CCDC178: variants seen among roughly 807,000 people sequenced by gnomAD.
The protein encoded by CCDC178 is coiled-coil domain-containing protein 178.
Under a neutral mutation model 117.4 loss-of-function variants are expected in CCDC178, and 126 were observed. The ratio of observed to expected loss-of-function variants is 1.07; its 90% confidence interval spans 0.93 to 1.24. The LOEUF is 1.24. Ranked by LOEUF, CCDC178 falls within the 50% of genes most tolerant of loss-of-function variation. The pLI is 0.00. For synonymous variants in CCDC178, 283 were observed against 313.4 expected (o/e 0.90, Z 1.02); for missense variants, 1,030 against 986.9 (o/e 1.04, Z -0.59).
chr18:33,073,918 T>C (rs2057158399), intron 21 of CCDC178, among the ~76,000 whole-genome samples: 1 of 152,064 alleles, frequency 6.6e-6, no homozygotes. Flanking sequence ...AATCTAGTGA[T>C]TAAATGGTTA....
At chr18:33,122,115 A>AG (rs1309702919) in intron 20 of CCDC178, among the ~76,000 whole-genome samples, 11 of 152,180 alleles carry the variant, frequency 7.2e-5, no homozygotes, top group African/African-American at 2.7e-4. Context: ...AATCCCTGTT[A>AG]TTAAGTGAAC....
rs975746530 is a variant in CCDC178, at chr18:32,995,648, C to T, written c.2389-20967G>A. Among the ~76,000 whole-genome samples the T allele has an allele frequency of 3.3e-5, 5 of 152,014 alleles. No individual in the cohort carries two copies. The East Asian group carries it at 9.6e-4, about 29-fold the overall frequency. On this transcript the variant is annotated intron_variant, in intron 21 of 22. Coordinates refer to ENST00000383096, the MANE Select transcript of CCDC178 (RefSeq NM_001105528.4). ...CCATATTCCTTCTAAAGAATATAAA[C>T]TGCTATTTCACTTCAAAGAAAACCA...
intron 12 of CCDC178, 66 bp from the exon 13 acceptor site, chr18:33,267,363 ATAAAT>A (rs1050082124): frequency 1.1e-5 from 10 of 892,232 alleles, no homozygotes; most frequent in African/African-American, 3.4e-5. Context: ...AAGGTAAAAA[ATAAAT>A]TAATCATGAT....
At position 33,387,377 on chromosome 18, in the gene CCDC178, C is replaced by CA. The variant is rs1004700154; in HGVS notation, c.208+2162dup. ...AACTATTTTAAAATTCATACAGAAC[C>CA]AAAAAAAAGCTCACATAGCCAAGAC... On this transcript the variant is annotated intron_variant, in intron 5 of 22. Transcript: ENST00000383096. Among the ~76,000 whole-genome samples, 11 of 151,574 alleles carry CA rather than the reference C, an allele frequency of 7.3e-5. No individual in the cohort carries two copies. The South Asian group carries it at 1.0e-3, about 14-fold the overall frequency.
intron 21 of CCDC178, among the ~76,000 whole-genome samples, chr18:33,063,643 C>T (rs1395651689): frequency 6.6e-6 from 1 of 152,114 alleles, no homozygotes; most frequent in African/African-American, 2.4e-5. Flanking sequence ...GCCCAAGGGA[C>T]CTCCCACCTT....
intron 22 of CCDC178, among the ~76,000 whole-genome samples, chr18:32,944,958 T>C (rs1449659248): frequency 6.6e-6 from 1 of 152,220 alleles, no homozygotes; most frequent in Non-Finnish European, 1.5e-5. Flanking sequence ...AACTGTGAGT[T>C]CATTAAACAT....
At chr18:33,324,050 A>G (rs995199671) in intron 10 of CCDC178, among the ~76,000 whole-genome samples, 1 of 151,888 alleles carries the variant, frequency 6.6e-6, no homozygotes, top group Non-Finnish European at 1.5e-5. Context: ...AAAAGTATGC[A>G]CCAACCTAAT....
At chr18:33,111,923 T>C (rs1352884138) in intron 20 of CCDC178, among the ~76,000 whole-genome samples, 3 of 151,798 alleles carry the variant, frequency 2.0e-5, no homozygotes, top group Admixed American at 1.3e-4. Context: ...GTAACTTGAA[T>C]CTTCTTTCCT....
intron 14 of CCDC178, among the ~76,000 whole-genome samples, chr18:33,246,411 G>T (rs570959221): frequency 6.6e-6 from 1 of 151,858 alleles, no homozygotes; most frequent in Non-Finnish European, 1.5e-5. Flanking sequence ...TGCTCAAGAG[G>T]TTGGGGTGAA....
chr18:33,321,277 A>G (rs534762482), intron 11 of CCDC178, among the ~76,000 whole-genome samples: 8 of 152,234 alleles, frequency 5.3e-5, no homozygotes, highest in Non-Finnish European at 1.2e-4. Flanking sequence ...GCACAGCAAA[A>G]GAAACTACCA....
chr18:33,122,118 A>ATTTCAT (rs1233964640), intron 20 of CCDC178, among the ~76,000 whole-genome samples: 11 of 152,154 alleles, frequency 7.2e-5, no homozygotes, highest in African/African-American at 2.7e-4. Context: ...CCCTGTTATT[A>ATTTCAT]AGTGAACTAT....
At chr18:33,333,725 TG>T (rs1255891284) in intron 9 of CCDC178, among the ~76,000 whole-genome samples, 1 of 151,986 alleles carries the variant, frequency 6.6e-6, no homozygotes, top group Non-Finnish European at 1.5e-5. Context: ...TTGGTCGGGC[TG>T]GTCTCAAACT....
At chr18:33,107,918 C>T (rs984031186) in intron 20 of CCDC178, among the ~76,000 whole-genome samples, 1 of 151,642 alleles carries the variant, frequency 6.6e-6, no homozygotes, top group African/African-American at 2.4e-5. Context: ...AAGAAACGTT[C>T]TTTTTGTACC....
chr18:33,049,945 G>A (rs1291536277), intron 21 of CCDC178, among the ~76,000 whole-genome samples: 1 of 151,900 alleles, frequency 6.6e-6, no homozygotes, highest in South Asian at 2.1e-4. Context: ...AGCAGGGTGT[G>A]GTTCAGGCGC....
At chr18:33,249,608 T>C (rs1482331301) in intron 14 of CCDC178, among the ~76,000 whole-genome samples, 1 of 152,078 alleles carries the variant, frequency 6.6e-6, no homozygotes, top group Non-Finnish European at 1.5e-5. Flanking sequence ...GAGGGCTCTG[T>C]TCTGTTCCAT....
chr18:33,178,871 A>G (rs1410636683), intron 20 of CCDC178, among the ~76,000 whole-genome samples: 3 of 150,652 alleles, frequency 2.0e-5, no homozygotes, highest in Non-Finnish European at 4.4e-5. Flanking sequence ...TGTTCAATGC[A>G]CCCCACATTT....
chr18:33,116,403 T>A (rs542463284), intron 20 of CCDC178, among the ~76,000 whole-genome samples: 36 of 152,320 alleles, frequency 2.4e-4, no homozygotes, highest in African/African-American at 8.4e-4. Context: ...TAGTCTTGCA[T>A]TGCTGCATAA....
chr18:32,946,940 C>G (rs895301027), intron 22 of CCDC178, among the ~76,000 whole-genome samples: 1 of 151,812 alleles, frequency 6.6e-6, no homozygotes, highest in South Asian at 2.1e-4. Context: ...CCACCACGCC[C>G]GGCTAATTTT....
chr18:33,179,079 ATATATATATATAT>A (rs1159909630), intron 20 of CCDC178, among the ~76,000 whole-genome samples: 2 of 43,870 alleles, frequency 4.6e-5, no homozygotes, highest in Admixed American at 3.2e-4. Flanking sequence ...AAAAAAAAAA[ATATATATATATAT>A]ATATATATAT....
Sources: allele counts gnomAD v4.1 joint callset (sites outside exome capture counted in the v4.1 genomes callset), GRCh38; gene constraint gnomAD v4.1.1; transcripts MANE v1.5; gene names NCBI Gene and HGNC (gene_info 2026-07-23, HGNC 2026-07-21).